The following INTS10 variants were observed in gnomAD, a reference collection of about 807,000 sequenced individuals.
The protein encoded by INTS10 is chromosome 8 open reading frame 35.
Under a neutral mutation model 94.4 loss-of-function variants are expected in INTS10, and 44 were observed. That is an observed-to-expected ratio of 0.47 (90% CI 0.37 to 0.60). INTS10 has a LOEUF of 0.60. INTS10 is among the 20% of genes least tolerant of loss of function. INTS10 has a pLI of 0.00. For synonymous variants in INTS10, 341 were observed against 320.7 expected (o/e 1.06, Z -0.68); for missense variants, 797 against 868.7 (o/e 0.92, Z 1.04).
chr8:19,841,967 T>C (rs1433344340), intron 13 of INTS10: 1 of 308,352 alleles, frequency 3.2e-6, no homozygotes, highest in Non-Finnish European at 6.4e-6. Context: ...TAAGTATGTG[T>C]GTACAGGATC....
chr8:19,837,116 A>C lies in INTS10; in HGVS notation c.1595A>C (p.Lys532Thr), dbSNP rs1388970952. 7.4e-6 allele frequency: 12 copies of C among 1,613,668 alleles called. 1 individual carries two copies. In the Admixed American group the frequency reaches 1.2e-4, roughly 16 times the overall value. The change falls in exon 13 of 17, where the codon AAA (lysine) becomes ACA (threonine). Residue 532 changes from lysine (K) to threonine (T), a missense_variant. Coordinates refer to ENST00000397977, the MANE Select transcript of INTS10 (RefSeq NM_018142.4). ...GTACTCCCCATTCAAGATGGAGGCAAATCCCAGGAGGAACCCTCGAAAGTA... is the reference window on the plus strand; with the variant it reads ...GTACTCCCCATTCAAGATGGAGGCACATCCCAGGAGGAACCCTCGAAAGTA... Reference protein sequence around the residue: ...YMVLPIQDGGKSQEEPSKVKP... With the variant: ...YMVLPIQDGGTSQEEPSKVKP...
intron 5 of INTS10, among the ~76,000 whole-genome samples, chr8:19,822,726 T>C (rs1391343299): frequency 2.0e-5 from 3 of 151,820 alleles, no homozygotes; most frequent in Admixed American, 6.6e-5. Context: ...CCAAGGTGGG[T>C]GGATCACGAG....
chr8:19,838,330 T>C (rs1268247873), intron 13 of INTS10, among the ~76,000 whole-genome samples: 2 of 152,100 alleles, frequency 1.3e-5, no homozygotes, highest in Non-Finnish European at 2.9e-5. Flanking sequence ...CACTCTAGCC[T>C]GGTCAACACA....
chr8:19,842,801 T>C (rs377081875), intron 13 of INTS10, 47 bp from the exon 14 acceptor site: 9 of 1,285,912 alleles, frequency 7.0e-6, no homozygotes, highest in Non-Finnish European at 1.0e-5. Context: ...AAAGCTGTTA[T>C]CTTTGATAAT....
chr8:19,839,051 G>A (rs1420379800), intron 13 of INTS10, among the ~76,000 whole-genome samples: 5 of 151,770 alleles, frequency 3.3e-5, no homozygotes, highest in South Asian at 2.1e-4. Flanking sequence ...CAGCCTGGGC[G>A]ACAGAGTGAG....
rs1589930903 is a variant in INTS10 at position 19,823,170 on chromosome 8, G to A, written c.524-131G>A. 6.0e-6 allele frequency: 4 copies of A among 667,890 alleles called. No individual in the cohort carries two copies. The Admixed American group carries it at 1.1e-4, about 18-fold the overall frequency. 41.4% of individuals were successfully genotyped at this position (667,890 alleles called of 1,614,324 possible). A position where few individuals can be genotyped will look rare whatever the true frequency, so the allele number is the denominator to read the frequency against. On this transcript the variant is annotated intron_variant, in intron 5 of 16. Coordinates refer to ENST00000397977, the MANE Select transcript of INTS10 (RefSeq NM_018142.4). ...TCTGCACAGCACATTTTGAATACATGAGTCATAAGGGATTTTTCCCCCTAT... is the reference window on the plus strand; with the variant it reads ...TCTGCACAGCACATTTTGAATACATAAGTCATAAGGGATTTTTCCCCCTAT...
chr8:19,824,087 G>A, intron 7 of INTS10, 43 bp downstream of exon 7: 1 of 1,483,954 alleles, frequency 6.7e-7, no homozygotes, highest in South Asian at 1.3e-5. Context: ...TGATTCTTTT[G>A]GATCCTTATA....
chr8:19,817,438 C>CGCGGTG lies in INTS10; in HGVS notation c.-95_-90dup, dbSNP rs2065993848. ...TCCAGACATGCGCAGTAGCCTCCCC[C>CGCGGTG]GCGGTGGCGGCGGCGGCGGCGGTGG... On this transcript the variant is annotated 5_prime_UTR_variant, in exon 1 of 17. Coordinates refer to ENST00000397977, the MANE Select transcript of INTS10 (RefSeq NM_018142.4). 1.4e-5 allele frequency: 19 copies of CGCGGTG among 1,359,414 alleles called. No individual in the cohort carries two copies. Among genetic ancestry groups the CGCGGTG allele is most frequent in the East Asian group, 4.8e-5 (2 of 41,346 alleles). The allele number at this position is 1,359,414 out of a possible 1,614,324, so 84.2% of individuals were successfully genotyped here.
chr8:19,826,162 C>T (rs551235681), intron 8 of INTS10, among the ~76,000 whole-genome samples: 5 of 152,288 alleles, frequency 3.3e-5, no homozygotes, highest in Admixed American at 3.3e-4. Flanking sequence ...TCACTGCAAC[C>T]TCCGCCTCCT....
At chr8:19,818,064 A>G in intron 1 of INTS10, 1 of 606,926 alleles carries the variant, frequency 1.6e-6, no homozygotes, top group Non-Finnish European at 3.0e-6. Context: ...ATATTATCCT[A>G]CTTAATCCTG....
intron 5 of INTS10, 129 bp downstream of exon 5, chr8:19,822,649 T>G (rs1470532484): frequency 3.5e-6 from 2 of 573,488 alleles, no homozygotes; most frequent in Non-Finnish European, 6.0e-6. Context: ...AGTTCTTTTT[T>G]TTTTAATTTA....
In INTS10 at chr8:19,851,856, A is replaced by G. The variant is rs1441425062; in HGVS notation, c.*51A>G. The G allele has an allele frequency of 3.2e-6, 5 of 1,541,194 alleles. No homozygotes were observed. Among genetic ancestry groups the G allele is most frequent in the South Asian group, 1.1e-5 (1 of 88,776 alleles). ...CTCGGGCCTGTGTAATTGTAGGAGA[A>G]GACACTCAGCAGTGATTGCCATGGC... On this transcript the variant is annotated 3_prime_UTR_variant, in exon 17 of 17. Transcript: ENST00000397977. The surrounding 1 kb of genome is among the most constrained non-coding windows in gnomAD (Gnocchi z 5.0).
In INTS10 at chr8:19,844,249, T is replaced by G. The variant is rs768555556; in HGVS notation, c.1882+11T>G. On this transcript the variant is annotated intron_variant, in intron 15 of 16. Transcript: ENST00000397977. ...TCAATTACGTTACAAGTATCCTTTTTTCTTGTTTAAGCATAACACATTCTG... is the reference window on the plus strand; with the variant it reads ...TCAATTACGTTACAAGTATCCTTTTGTCTTGTTTAAGCATAACACATTCTG... 1 of 1,582,300 alleles carries G rather than the reference T, an allele frequency of 6.3e-7. No homozygotes were observed. Among genetic ancestry groups the G allele is most frequent in the South Asian group, 1.1e-5 (1 of 89,978 alleles).
intron 9 of INTS10, 79 bp downstream of exon 9, chr8:19,826,638 G>C: frequency 7.5e-7 from 1 of 1,328,296 alleles, no homozygotes; most frequent in Non-Finnish European, 1.0e-6. Flanking sequence ...ATATGGCTTT[G>C]GAGCTAAATC....
intron 9 of INTS10, among the ~76,000 whole-genome samples, 171 bp from the exon 10 acceptor site, chr8:19,830,234 CA>C (rs3217496): frequency 0.65 from 99,249 of 151,596 alleles, 32,585 homozygotes; most frequent in Non-Finnish European, 0.69. Flanking sequence ...AGTATAAAGA[CA>C]AAAAAAAATT....
intron 16 of INTS10, among the ~76,000 whole-genome samples, chr8:19,847,710 T>G (rs2068696379): frequency 6.6e-6 from 1 of 152,204 alleles, no homozygotes; most frequent in African/African-American, 2.4e-5. Context: ...GAACCTTTCT[T>G]CTTCTACCAG....
At chr8:19,823,236 G>C in intron 5 of INTS10, 65 bp from the exon 6 acceptor site, 1 of 1,268,726 alleles carries the variant, frequency 7.9e-7, no homozygotes, top group Non-Finnish European at 1.1e-6. Flanking sequence ...GAAAGCTTTT[G>C]TATTTATCGG....
At chr8:19,833,384 C>G in intron 12 of INTS10, 63 bp downstream of exon 12, 1 of 1,298,050 alleles carries the variant, frequency 7.7e-7, no homozygotes, top group Non-Finnish European at 1.0e-6. Flanking sequence ...TTTCTCCTTT[C>G]CCTAGCGTGG....
At position 19,849,551 on chromosome 8, in the gene INTS10, G is replaced by A. The variant is rs1050983333; in HGVS notation, c.1977-2098G>A. On this transcript the variant is annotated intron_variant, in intron 16 of 16. Coordinates refer to ENST00000397977, the MANE Select transcript of INTS10 (RefSeq NM_018142.4). The surrounding 1 kb of genome is among the most constrained non-coding windows in gnomAD (Gnocchi z 4.6). The stretch of plus-strand genomic sequence containing the variant: ...CACCATGATTCTCTTTTGATAAAAC[G>A]TTAAGGCTTTCGGTCATATATATTT... Among the ~76,000 whole-genome samples, 3 of 152,088 alleles carry A rather than the reference G, an allele frequency of 2.0e-5. No homozygotes were observed. Among genetic ancestry groups the A allele is most frequent in the Non-Finnish European group, 2.9e-5 (2 of 68,012 alleles).
Sources: allele counts gnomAD v4.1 joint callset (sites outside exome capture counted in the v4.1 genomes callset), GRCh38; gene constraint gnomAD v4.1.1; non-coding constraint Gnocchi (gnomAD v3.1); transcripts MANE v1.5; gene names NCBI Gene and HGNC (gene_info 2026-07-23, HGNC 2026-07-21).